ARPP19: variants seen among roughly 807,000 people sequenced by gnomAD.
ARPP19 encodes cAMP regulated phosphoprotein 19.
In ARPP19, 8 loss-of-function variants were observed where a neutral mutation model predicts 12.0. The observed-to-expected ratio is 0.67, with a 90% CI of 0.39 to 1.21. The LOEUF (loss-of-function observed/expected upper bound fraction) is 1.21. Among genes scored for constraint, ARPP19 ranks in the 50% most tolerant of loss-of-function variants. The pLI, the probability that ARPP19 is intolerant of heterozygous loss-of-function variation, is 0.01. For missense variants in ARPP19, 102 were observed against 136.3 expected (o/e 0.75, Z 1.25); for synonymous variants, 47 against 50.4 (o/e 0.93, Z 0.29).
chr15:52,567,107 CTG>C (rs1031400257), intron 1 of ARPP19, among the ~76,000 whole-genome samples: 3 of 152,192 alleles, frequency 2.0e-5, no homozygotes, highest in Admixed American at 6.5e-5. Context: ...ACAGAAGTGA[CTG>C]TGCACATTTT....
rs2077927375 is a variant in ARPP19 at position 52,551,215 on chromosome 15, C to T, written c.*719G>A. On this transcript the variant is annotated 3_prime_UTR_variant, in exon 3 of 3. Coordinates refer to ENST00000249822, the MANE Select transcript of ARPP19 (RefSeq NM_006628.6). ...AGGTTGTGCAAAACTACTGTATTTA[C>T]AAAAATGGCACAAAAGTGAATTCAA... The T allele has an allele frequency of 6.6e-6, 1 of 152,664 alleles. No homozygotes were observed. Among genetic ancestry groups the T allele is most frequent in the African/African-American group, 2.4e-5 (1 of 41,462 alleles). The allele number at this position is 152,664 out of a possible 1,614,324, so 9.5% of individuals were successfully genotyped here. A position where few individuals can be genotyped will look rare whatever the true frequency, so the allele number is the denominator to read the frequency against.
At chr15:52,552,631 T>G (rs547175141) in intron 2 of ARPP19, among the ~76,000 whole-genome samples, 4 of 149,926 alleles carry the variant, frequency 2.7e-5, no homozygotes, top group Admixed American at 1.3e-4. Context: ...CAGGCTTTCT[T>G]GAACCATTCT....
chr15:52,547,139 C>T lies in ARPP19; in HGVS notation c.*4795G>A, dbSNP rs1205228037. ...TCAAAGATTACAAGTCAGTTTCTTC[C>T]TGCATACAGTAATAGCTGAAATGTA... On this transcript the variant is annotated 3_prime_UTR_variant, in exon 3 of 3. Transcript: ENST00000249822. 1.3e-5 allele frequency: 2 copies of T among 149,866 alleles called. No individual in the cohort carries two copies. 9.3% of individuals were successfully genotyped at this position (149,866 alleles called of 1,614,324 possible).
chr15:52,556,784 TAAGA>T (rs1240667136), intron 2 of ARPP19, among the ~76,000 whole-genome samples: 2 of 152,096 alleles, frequency 1.3e-5, no homozygotes, highest in Non-Finnish European at 2.9e-5. Flanking sequence ...TTTTCTTTCT[TAAGA>T]AAGATAAAAC....
intron 1 of ARPP19, among the ~76,000 whole-genome samples, chr15:52,562,385 T>C (rs954700911): frequency 1.5e-4 from 23 of 152,096 alleles, no homozygotes; most frequent in African/African-American, 5.1e-4. Flanking sequence ...ATCTCTAATA[T>C]TTAGAAATTA....
At chr15:52,557,315 T>A in intron 1 of ARPP19, 93 bp from the exon 2 acceptor site, 1 of 1,028,344 alleles carries the variant, frequency 9.7e-7, no homozygotes, top group Non-Finnish European at 1.4e-6. Context: ...TTCTAGTTGT[T>A]AAATGCCAAG....
chr15:52,552,480 C>A (rs1269290393), intron 2 of ARPP19, among the ~76,000 whole-genome samples: 1 of 151,020 alleles, frequency 6.6e-6, no homozygotes. Context: ...TCCAGCTACT[C>A]CAGAGGTTGA....
At position 52,551,866 on chromosome 15, in the gene ARPP19, A is replaced by T. The variant is rs1258763198; in HGVS notation, c.*68T>A. On this transcript the variant is annotated 3_prime_UTR_variant, in exon 3 of 3. Transcript: ENST00000249822. Reference sequence around the variant, plus strand: ...TGACTAGTGAATGAAAGGAAATAAAAAGTAGATAAGTAACATATTAAGGAG... The same window carrying T: ...TGACTAGTGAATGAAAGGAAATAAATAGTAGATAAGTAACATATTAAGGAG... The T allele has an allele frequency of 1.7e-6, 2 of 1,191,052 alleles. No individual in the cohort carries two copies. The highest frequency in any genetic ancestry group is 1.5e-5 in the African/African-American group (1 of 65,532). The allele number at this position is 1,191,052 out of a possible 1,614,324, so 73.8% of individuals were successfully genotyped here. A position where few individuals can be genotyped will look rare whatever the true frequency, so the allele number is the denominator to read the frequency against.
chr15:52,568,556 C>A, intron 1 of ARPP19: 1 of 378,680 alleles, frequency 2.6e-6, no homozygotes, highest in Admixed American at 4.8e-5. Flanking sequence ...TTAGGCTCTA[C>A]GCCCAAAGCC....
upstream of ARPP19, chr15:52,569,359 C>G (rs1262315315): frequency 1.0e-5 from 2 of 196,254 alleles, no homozygotes; most frequent in South Asian, 7.6e-5. Flanking sequence ...GCTCTCCGCT[C>G]TGTAGCCACA....
intron 2 of ARPP19, among the ~76,000 whole-genome samples, chr15:52,552,737 A>C (rs999977846): frequency 2.6e-5 from 4 of 152,150 alleles, no homozygotes; most frequent in Admixed American, 6.5e-5. Context: ...CTAATGGAAC[A>C]ACCAGGTGAA....
At position 52,549,013 on chromosome 15, in the gene ARPP19, C is replaced by G. The variant is rs558478628; in HGVS notation, c.*2921G>C. 1.3e-5 allele frequency: 2 copies of G among 152,422 alleles called. No homozygotes were observed. Among genetic ancestry groups the G allele is most frequent in the African/African-American group, 4.8e-5 (2 of 41,426 alleles). 9.4% of individuals were successfully genotyped at this position (152,422 alleles called of 1,614,324 possible). A position where few individuals can be genotyped will look rare whatever the true frequency, so the allele number is the denominator to read the frequency against. On this transcript the variant is annotated 3_prime_UTR_variant, in exon 3 of 3. Transcript: ENST00000249822. ...CTACAAACATGCCGCTTCCACTCAT[C>G]GAAACAAGCCAATAATCCTTACTAT...
chr15:52,558,627 G>A (rs2078004824), intron 1 of ARPP19, among the ~76,000 whole-genome samples: 1 of 151,816 alleles, frequency 6.6e-6, no homozygotes, highest in South Asian at 2.1e-4. Context: ...AGCCTTCCAG[G>A]TTACTTAGGA....
In ARPP19 at chr15:52,552,021, C is replaced by T; in HGVS notation, c.252G>A (p.Lys84=). 5 of 1,610,628 alleles carry T rather than the reference C, an allele frequency of 3.1e-6. No homozygotes were observed. The East Asian group carries it at 1.1e-4, about 36-fold the overall frequency. ...NKQLPTAAPD[K]TEVTGDHIPT... is the part of the protein sequence containing the mutation. ...GAATGTGGTCACCAGTGACCTCCGT[C>T]TTATCCGGAGCTGCAGTAGGAAGTT... The change falls in exon 3 of 3, where the codon AAG becomes AAA. Residue 84 remains lysine (K), a synonymous_variant. Transcript: ENST00000249822.
chr15:52,561,867 G>A (rs2078035896), intron 1 of ARPP19, among the ~76,000 whole-genome samples: 1 of 150,964 alleles, frequency 6.6e-6, no homozygotes, highest in Non-Finnish European at 1.5e-5. Flanking sequence ...AAGACTGAGG[G>A]TGGGTGGTGG....
intron 1 of ARPP19, among the ~76,000 whole-genome samples, chr15:52,558,590 C>G: frequency 6.6e-6 from 1 of 151,836 alleles, no homozygotes; most frequent in East Asian, 1.9e-4. Context: ...ATTAAATCAG[C>G]AAAATCACAT....
Position 52,547,167 on chromosome 15 carries a change from G to T in ARPP19, c.*4767C>A, listed in dbSNP as rs2077884557. ...CATACAGTAATAGCTGAAATGTAAAGAGATCAACTTCAGAAAAAATACACT... is the reference window on the plus strand; with the variant it reads ...CATACAGTAATAGCTGAAATGTAAATAGATCAACTTCAGAAAAAATACACT... On this transcript the variant is annotated 3_prime_UTR_variant, in exon 3 of 3. Coordinates refer to ENST00000249822, the MANE Select transcript of ARPP19 (RefSeq NM_006628.6). 1 of 145,716 alleles carries T rather than the reference G, an allele frequency of 6.9e-6. No homozygotes were observed. The highest frequency in any genetic ancestry group is 2.5e-5 in the African/African-American group (1 of 39,934). The allele number at this position is 145,716 out of a possible 1,614,324, so 9.0% of individuals were successfully genotyped here. A position where few individuals can be genotyped will look rare whatever the true frequency, so the allele number is the denominator to read the frequency against.
chr15:52,557,483 C>G (rs2077991372), intron 1 of ARPP19: 1 of 350,184 alleles, frequency 2.9e-6, no homozygotes, highest in Non-Finnish European at 5.2e-6. Flanking sequence ...GCTCTGAAGT[C>G]TTGCTTGCCA....
At chr15:52,556,308 G>C (rs2077981026) in intron 2 of ARPP19, among the ~76,000 whole-genome samples, 1 of 152,000 alleles carries the variant, frequency 6.6e-6, no homozygotes, top group South Asian at 2.1e-4. Flanking sequence ...TCCCTGTATA[G>C]TAAGTAATTT....
Sources: allele counts gnomAD v4.1 joint callset (sites outside exome capture counted in the v4.1 genomes callset), GRCh38; gene constraint gnomAD v4.1.1; transcripts MANE v1.5; gene names NCBI Gene and HGNC (gene_info 2026-07-23, HGNC 2026-07-21).